The following ANO10 variants were observed in gnomAD, a reference collection of about 807,000 sequenced individuals.
ANO10 encodes the protein anoctamin 10, also known as anoctamin-10.
ANO10 carries 77 observed loss-of-function variants against 74.7 expected under a neutral mutation model. That is an observed-to-expected ratio of 1.03 (90% CI 0.86 to 1.25). The LOEUF (loss-of-function observed/expected upper bound fraction) is 1.25. Ranked by LOEUF, ANO10 falls within the 50% of genes most tolerant of loss-of-function variation. The pLI, the probability that ANO10 is intolerant of heterozygous loss-of-function variation, is 0.00. For missense variants in ANO10, 721 were observed against 778.1 expected, an observed-to-expected ratio of 0.93 and a Z score of 0.87; for synonymous variants, 279 against 284.9, an observed-to-expected ratio of 0.98 and a Z score of 0.21.
At chr3:43,464,765 CA>C (rs1452368129) in intron 11 of ANO10, among the ~76,000 whole-genome samples, 3 of 152,120 alleles carry the variant, frequency 2.0e-5, no homozygotes, top group Non-Finnish European at 4.4e-5. Flanking sequence ...AATGATCCAT[CA>C]TATCAATATA....
At chr3:43,495,819 C>T (rs1427448760) in intron 11 of ANO10, among the ~76,000 whole-genome samples, 1 of 152,078 alleles carries the variant, frequency 6.6e-6, no homozygotes, top group Non-Finnish European at 1.5e-5. Flanking sequence ...CCTGCCTCAG[C>T]CTCCCGAGTA....
intron 11 of ANO10, among the ~76,000 whole-genome samples, chr3:43,549,108 A>ATT (rs10662466): frequency 0.013 from 1,988 of 150,220 alleles, 52 homozygotes; most frequent in African/African-American, 0.046. Context: ...TTTGAATAGG[A>ATT]TTTTTTTTTT....
intron 4 of ANO10, among the ~76,000 whole-genome samples, chr3:43,582,295 C>CA (rs2081296188): frequency 6.6e-6 from 1 of 151,776 alleles, no homozygotes; most frequent in African/African-American, 2.4e-5. Context: ...ACTAAAAATA[C>CA]AAAAAAATTA....
chr3:43,606,596 T>C (rs79345354), intron 1 of ANO10, among the ~76,000 whole-genome samples: 1,562 of 151,382 alleles, frequency 0.01, 20 homozygotes, highest in Middle Eastern at 0.024. Context: ...GAGGAAAGGA[T>C]AGCTCGGGGT....
intron 2 of ANO10, among the ~76,000 whole-genome samples, chr3:43,604,490 T>C (rs1296629403): frequency 6.6e-6 from 1 of 151,932 alleles, no homozygotes; most frequent in Non-Finnish European, 1.5e-5. Context: ...CAATTTTTGC[T>C]GCTCTTGTAT....
Position 43,652,616 on chromosome 3 carries a change from T to TAAA in ANO10, c.-12+38900_-12+38901insTTT, listed in dbSNP as rs1300077813. On this transcript the variant is annotated intron_variant, in intron 1 of 3. Transcript: ENST00000413397. ...CCATAAATAAAACTAAACCACTGGATAGTACACCTTAAGTGGGTGGATTTT... is the reference window on the plus strand; with the variant it reads ...CCATAAATAAAACTAAACCACTGGATAAAAGTACACCTTAAGTGGGTGGATTTT... Among the ~76,000 whole-genome samples the TAAA allele has an allele frequency of 1.6e-4, 24 of 152,278 alleles. No homozygotes were observed. The South Asian group carries it at 4.6e-3, about 29-fold the overall frequency.
intron 1 of ANO10, among the ~76,000 whole-genome samples, chr3:43,642,780 A>G (rs2149564290): frequency 6.6e-6 from 1 of 152,176 alleles, no homozygotes; most frequent in South Asian, 2.1e-4. Context: ...CACACAAAAT[A>G]TAGCATACTA....
At chr3:43,578,648 G>A (rs948938430) in intron 5 of ANO10, among the ~76,000 whole-genome samples, 2 of 150,042 alleles carry the variant, frequency 1.3e-5, no homozygotes, top group Non-Finnish European at 3.0e-5. Context: ...TACTCAGGAG[G>A]CTGAGGCAGG....
chr3:43,393,065 G>C (rs2092308502), intron 12 of ANO10, among the ~76,000 whole-genome samples: 1 of 152,178 alleles, frequency 6.6e-6, no homozygotes, highest in African/African-American at 2.4e-5. Context: ...TGCTCTCCCT[G>C]AGAGAGACCA....
chr3:43,498,392 G>C (rs1181396975), intron 11 of ANO10, among the ~76,000 whole-genome samples: 1 of 152,228 alleles, frequency 6.6e-6, no homozygotes, highest in African/African-American at 2.4e-5. Flanking sequence ...GGGAAGAACT[G>C]TGTAGTAGGG....
At chr3:43,387,968 A>G (rs2092171527) in intron 12 of ANO10, among the ~76,000 whole-genome samples, 2 of 151,998 alleles carry the variant, frequency 1.3e-5, no homozygotes, top group African/African-American at 4.8e-5. Context: ...TTTTCCTGAC[A>G]ATCCTAAATT....
chr3:43,430,290 A>ATT (rs1296451250), intron 12 of ANO10, among the ~76,000 whole-genome samples: 2 of 139,016 alleles, frequency 1.4e-5, no homozygotes, highest in Admixed American at 1.4e-4. Context: ...AGAAGTTTTC[A>ATT]TTTTTCATGT....
chr3:43,426,928 G>C (rs1487063706), intron 12 of ANO10, among the ~76,000 whole-genome samples: 2 of 152,108 alleles, frequency 1.3e-5, no homozygotes, highest in East Asian at 3.9e-4. Flanking sequence ...TACCAAAAAA[G>C]ATCTGTTTTC....
At chr3:43,445,002 A>G (rs2093222383) in intron 11 of ANO10, among the ~76,000 whole-genome samples, 1 of 151,816 alleles carries the variant, frequency 6.6e-6, no homozygotes, top group Non-Finnish European at 1.5e-5. Flanking sequence ...AGGTGCCTAT[A>G]GTCCCAGCTA....
chr3:43,490,726 A>C (rs188024551), intron 11 of ANO10, among the ~76,000 whole-genome samples: 2 of 152,340 alleles, frequency 1.3e-5, no homozygotes, highest in East Asian at 3.9e-4. Context: ...CGGCAAATAG[A>C]ACCCAGAAGT....
At chr3:43,462,725 A>T (rs2075434904) in intron 11 of ANO10, among the ~76,000 whole-genome samples, 1 of 152,158 alleles carries the variant, frequency 6.6e-6, no homozygotes, top group Non-Finnish European at 1.5e-5. Context: ...GTCAGATGGG[A>T]GGCAGCCCCT....
At chr3:43,446,918 C>T (rs1227267019) in intron 11 of ANO10, among the ~76,000 whole-genome samples, 1 of 152,156 alleles carries the variant, frequency 6.6e-6, no homozygotes, top group Non-Finnish European at 1.5e-5. Context: ...CCTACCCCTG[C>T]CCTCATCTTC....
chr3:43,677,707 C>T (rs1429141458), intron 1 of ANO10, among the ~76,000 whole-genome samples: 1 of 152,186 alleles, frequency 6.6e-6, no homozygotes, highest in Non-Finnish European at 1.5e-5. Context: ...AGTCTGGTGC[C>T]TTGGTGCTCT....
At chr3:43,457,791 AC>A (rs1214029983) in intron 11 of ANO10, among the ~76,000 whole-genome samples, 4 of 152,216 alleles carry the variant, frequency 2.6e-5, no homozygotes, top group African/African-American at 4.8e-5. Context: ...GGAGATCAGT[AC>A]CAGGTGGAAA....
Sources: gnomAD v4.1 joint callset for allele counts (sites outside exome capture counted in the v4.1 genomes callset) on GRCh38, gnomAD v4.1.1 for gene constraint, MANE v1.5 for transcripts, NCBI Gene and HGNC (gene_info 2026-07-23, HGNC 2026-07-21) for gene names.